Variants in WFS1 observed in about 807,000 individuals in gnomAD.
The protein encoded by WFS1 is wolframin.
In WFS1, 90 loss-of-function variants were observed where a neutral mutation model predicts 68.5. The observed-to-expected ratio is 1.31, with a 90% CI of 1.11 to 1.56. The LOEUF is 1.56. WFS1 is among the 40% of genes most tolerant of loss of function. The pLI, the probability that WFS1 is intolerant of heterozygous loss-of-function variation, is 0.00. For synonymous variants in WFS1, 860 were observed against 540.7 expected, an observed-to-expected ratio of 1.59 and a Z score of -8.19; for missense variants, 1,767 against 1,232.6, an observed-to-expected ratio of 1.43 and a Z score of -6.49.
At position 6,301,307 on chromosome 4, in the gene WFS1, G is replaced by A. The variant is rs201684148; in HGVS notation, c.1512G>A (p.Pro504=). The A allele has an allele frequency of 2.7e-5, 44 of 1,611,212 alleles. No individual in the cohort carries two copies. Among genetic ancestry groups the A allele is most frequent in the East Asian group, 4.5e-5 (2 of 44,878 alleles). Reference sequence around the variant, plus strand: ...TGGTCGTCCTCAACGTCAGCGTCCCGTGCCTGCTCTATGTCTACCTGCTCT... The same window carrying A: ...TGGTCGTCCTCAACGTCAGCGTCCCATGCCTGCTCTATGTCTACCTGCTCT... ...GHLVVLNVSV[P]CLLYVYLLYL... is the part of the protein sequence containing the mutation. The change falls in exon 8 of 8, where the codon CCG becomes CCA. Residue 504 remains proline, a synonymous_variant. Coordinates refer to ENST00000226760, the MANE Select transcript of WFS1 (RefSeq NM_006005.3).
chr4:6,291,246 C>A lies in WFS1; in HGVS notation c.510C>A (p.Thr170=). The part of the protein sequence containing the change: ...EREVRQLSSE[T]DLERAVRKAA... ...AGGTGAGGCAGCTCTCCTCCGAGAC[C>A]GACCTGGAGAGGGCCGTGCGCAAGG... Residue 170 remains threonine (T), a synonymous_variant, in exon 5 of 8, where the codon ACC becomes ACA. Coordinates refer to ENST00000226760, the MANE Select transcript of WFS1 (RefSeq NM_006005.3). The A allele has an allele frequency of 6.2e-7, 1 of 1,613,190 alleles. No homozygotes were observed. Among genetic ancestry groups the A allele is most frequent in the Non-Finnish European group, 8.5e-7 (1 of 1,180,006 alleles).
At chr4:6,288,310 G>A (rs4342257) in intron 3 of WFS1, among the ~76,000 whole-genome samples, 2 of 151,862 alleles carry the variant, frequency 1.3e-5, no homozygotes, top group Admixed American at 6.6e-5. Flanking sequence ...ATTTGGAGGC[G>A]GGGGGAGCAT....
chr4:6,279,730 C>G (rs982237747), intron 2 of WFS1, among the ~76,000 whole-genome samples: 1 of 152,120 alleles, frequency 6.6e-6, no homozygotes, highest in African/African-American at 2.4e-5. Flanking sequence ...CCCCTAGGGG[C>G]ACCCCAGGAG....
At chr4:6,299,934 ATGCGTGTGTGTAGGGGTGGGT>A (rs1446616980) in intron 7 of WFS1, among the ~76,000 whole-genome samples, 1 of 84,960 alleles carries the variant, frequency 1.2e-5, no homozygotes, top group East Asian at 4.2e-4. Flanking sequence ...GTTTGTGTGA[ATGCGTGTGTGTAGGGGTGGGT>A]TGCGTGTGTG....
Position 6,302,488 on chromosome 4 carries a change from G to A in WFS1, c.*20G>A, listed in dbSNP as rs1411461488. 6.2e-7 allele frequency: 1 copy of A among 1,611,658 alleles called. No individual in the cohort carries two copies. On this transcript the variant is annotated 3_prime_UTR_variant, in exon 8 of 8. Coordinates refer to ENST00000226760, the MANE Select transcript of WFS1 (RefSeq NM_006005.3). ...GCCTGAGGATGGTCCGCCACGAGGA[G>A]CTTCCAGTGCATGTTGCCATGAGGC...
At chr4:6,270,221 C>G (rs868156647) in intron 1 of WFS1, among the ~76,000 whole-genome samples, 1 of 151,916 alleles carries the variant, frequency 6.6e-6, no homozygotes, top group Non-Finnish European at 1.5e-5. Context: ...ACCCCTGTTC[C>G]GGGCCCGAAC....
chr4:6,285,190 C>CGTCCAGGGAGAGTTAT lies in WFS1; in HGVS notation c.233-1891_233-1890insTTATGTCCAGGGAGAG, dbSNP rs1730279423. ...GGAGAGTTACATCCAGGGAGAGTTA[C>CGTCCAGGGAGAGTTAT]GTCCAGGGAGAGGGGCGTCCAGGAA... On this transcript the variant is annotated intron_variant, in intron 2 of 7. Coordinates refer to ENST00000226760, the MANE Select transcript of WFS1 (RefSeq NM_006005.3). 1.9e-4 allele frequency among the ~76,000 whole-genome samples: 28 copies of CGTCCAGGGAGAGTTAT among 149,386 alleles called. No homozygotes were observed. In the South Asian group the frequency reaches 5.2e-3, roughly 28 times the overall value.
At position 6,300,740 on chromosome 4, in the gene WFS1, G is replaced by C; in HGVS notation, c.945G>C (p.Leu315=). 1 of 1,614,088 alleles carries C rather than the reference G, an allele frequency of 6.2e-7. No individual in the cohort carries two copies. The highest frequency in any genetic ancestry group is 8.5e-7 in the Non-Finnish European group (1 of 1,180,000). Residue 315 remains leucine, a synonymous_variant, in exon 8 of 8, where the codon CTG becomes CTC. Coordinates refer to ENST00000226760, the MANE Select transcript of WFS1 (RefSeq NM_006005.3). ...CCTCCAGGGCAGGCATGCACTGGCT[G>C]TCCACCATCATCCCCACGCACCACA... ...DMASRAGMHW[L]STIIPTHHIN...
chr4:6,297,605 C>T lies in WFS1; in HGVS notation c.861+2416C>T, dbSNP rs563259410. 2.6e-5 allele frequency among the ~76,000 whole-genome samples: 4 copies of T among 152,324 alleles called. No individual in the cohort carries two copies. The East Asian group carries it at 5.8e-4, about 22-fold the overall frequency. On this transcript the variant is annotated intron_variant, in intron 7 of 7. Transcript: ENST00000226760. Reference sequence around the variant, plus strand: ...GTCTCGGCTCCCTTCCCCAGCCTGCCTTCTTCACGGGTCCGCTGGGCCATC... The same window carrying T: ...GTCTCGGCTCCCTTCCCCAGCCTGCTTTCTTCACGGGTCCGCTGGGCCATC...
chr4:6,282,509 C>T (rs111509882), intron 2 of WFS1, among the ~76,000 whole-genome samples: 7,360 of 152,244 alleles, frequency 0.048, 243 homozygotes, highest in South Asian at 0.091. Flanking sequence ...CCCTTGGAGA[C>T]GGGAGGATTA....
chr4:6,287,565 C>G lies in WFS1; in HGVS notation c.315+390C>G, dbSNP rs962839667. Among the ~76,000 whole-genome samples the G allele has an allele frequency of 6.6e-6, 1 of 152,184 alleles. No homozygotes were observed. Among genetic ancestry groups the G allele is most frequent in the African/African-American group, 2.4e-5 (1 of 41,452 alleles). ...GGCTGTTAGCTGTGTGCACGGGGCC[C>G]TCAGAGCGGTGACCATTCACTTGGG... On this transcript the variant is annotated intron_variant, in intron 3 of 7. Coordinates refer to ENST00000226760, the MANE Select transcript of WFS1 (RefSeq NM_006005.3). This position sits in a 1 kb window ranked among gnomAD's most constrained non-coding sequence, Gnocchi z 6.4.
intron 7 of WFS1, among the ~76,000 whole-genome samples, chr4:6,300,069 G>A (rs991417107): frequency 7.2e-5 from 11 of 152,032 alleles, no homozygotes; most frequent in South Asian, 2.1e-4. Context: ...GCAGCTGAAC[G>A]GTATTTTTGC....
intron 7 of WFS1, among the ~76,000 whole-genome samples, chr4:6,298,701 C>T (rs1730725564): frequency 6.6e-6 from 1 of 152,228 alleles, no homozygotes. Context: ...CCCCTCTCCT[C>T]TCATCTGTGG....
In WFS1 at chr4:6,301,264, C is replaced by G; in HGVS notation, c.1469C>G (p.Thr490Ser). Residue 490 changes from threonine to serine, a missense_variant, in exon 8 of 8, where the codon ACC becomes AGC. Coordinates refer to ENST00000226760, the MANE Select transcript of WFS1 (RefSeq NM_006005.3). ...AAGGTCCTTGGCCAGACCTTCATCA[C>G]CGTGCCTGTCGGCCACCTGGTCGTC... ...YLKVLGQTFI[T>S]VPVGHLVVLN... 1 of 1,611,356 alleles carries G rather than the reference C, an allele frequency of 6.2e-7. No individual in the cohort carries two copies. The highest frequency in any genetic ancestry group is 8.5e-7 in the Non-Finnish European group (1 of 1,180,032).
At position 6,301,895 on chromosome 4, in the gene WFS1, G is replaced by T; in HGVS notation, c.2100G>T (p.Trp700Cys). 5 of 1,612,898 alleles carry T rather than the reference G, an allele frequency of 3.1e-6. No individual in the cohort carries two copies. Among genetic ancestry groups the T allele is most frequent in the Non-Finnish European group, 4.2e-6 (5 of 1,179,864 alleles). The stretch of plus-strand genomic sequence containing the variant: ...ACCTGGAGGGCCACAGGGTCACGTG[G>T]ACCGGCCGCTTCAAGTACGTCCGCG... ...CSHLEGHRVT[W>C]TGRFKYVRVT... Residue 700 changes from tryptophan to cysteine, a missense_variant, in exon 8 of 8, where the codon TGG (tryptophan) becomes TGT (cysteine). Transcript: ENST00000226760.
Position 6,283,397 on chromosome 4 carries a change from G to C in WFS1, c.233-3696G>C, listed in dbSNP as rs375372943. Among the ~76,000 whole-genome samples, 10 of 152,348 alleles carry C rather than the reference G, an allele frequency of 6.6e-5. 1 individual carries two copies. Among genetic ancestry groups the C allele is most frequent in the African/African-American group, 2.4e-4 (10 of 41,576 alleles). ...ATATAAATTGACACAAGCCAAAAAA[G>C]TAGAGGGGCAAGGGATTGATGAGTC... On this transcript the variant is annotated intron_variant, in intron 2 of 7. Coordinates refer to ENST00000226760, the MANE Select transcript of WFS1 (RefSeq NM_006005.3). The surrounding 1 kb of genome is among the most constrained non-coding windows in gnomAD (Gnocchi z 5.0).
At chr4:6,300,183 C>T (rs28716718) in intron 7 of WFS1, among the ~76,000 whole-genome samples, 3 of 152,200 alleles carry the variant, frequency 2.0e-5, no homozygotes, top group South Asian at 4.1e-4. Flanking sequence ...TTCTCCTCCT[C>T]GTAAGGATCG....
intron 3 of WFS1, among the ~76,000 whole-genome samples, chr4:6,288,101 CA>C (rs1423897503): frequency 6.3e-4 from 96 of 151,814 alleles, no homozygotes; most frequent in Admixed American, 6.2e-3. Flanking sequence ...CCTGTAATCC[CA>C]GCTACTTGGG....
chr4:6,302,974 C>T lies in WFS1; in HGVS notation c.*506C>T, dbSNP rs886059536. 4.0e-5 allele frequency: 7 copies of T among 175,104 alleles called. No homozygotes were observed. The highest frequency in any genetic ancestry group is 1.2e-4 in the African/African-American group (5 of 41,880). The allele number at this position is 175,104 out of a possible 1,614,324, so 10.8% of individuals were successfully genotyped here. Reference sequence around the variant, plus strand: ...TGTGCACGGCAGCTTGAGCCTGTCACGTGGTCAAGGCCCGGCCCCATCAGA... The same window carrying T: ...TGTGCACGGCAGCTTGAGCCTGTCATGTGGTCAAGGCCCGGCCCCATCAGA... On this transcript the variant is annotated 3_prime_UTR_variant, in exon 8 of 8. Transcript: ENST00000226760.
Sources: gnomAD v4.1 joint callset for allele counts (sites outside exome capture counted in the v4.1 genomes callset) on GRCh38, gnomAD v4.1.1 for gene constraint, Gnocchi (gnomAD v3.1) non-coding constraint, MANE v1.5 for transcripts, NCBI Gene and HGNC (gene_info 2026-07-23, HGNC 2026-07-21) for gene names.